Variants in ARID2 observed in about 807,000 individuals in gnomAD.
The protein encoded by ARID2 is AT-rich interactive domain-containing protein 2.
Under a neutral mutation model 184.6 loss-of-function variants are expected in ARID2, and 32 were observed. The observed-to-expected ratio is 0.17, with a 90% confidence interval of 0.13 to 0.23. The LOEUF (loss-of-function observed/expected upper bound fraction) is 0.23, where lower values mean the gene tolerates loss of function less well. Ranked by LOEUF, ARID2 falls within the 10% of genes least tolerant of loss-of-function variation. The probability of loss-of-function intolerance (pLI) is 1.00; values close to 1 mark genes in which losing one functional copy is unlikely to be tolerated. For synonymous variants in ARID2, 836 were observed against 772.6 expected, an observed-to-expected ratio of 1.08 and a Z score of -1.36; for missense variants, 1,696 against 2,197.6, an observed-to-expected ratio of 0.77 and a Z score of 4.56.
chr12:45,877,091 CAAAA>C (rs35277117), intron 16 of ARID2, among the ~76,000 whole-genome samples: 5 of 57,484 alleles, frequency 8.7e-5, no homozygotes, highest in East Asian at 5.8e-4. Flanking sequence ...GACTCCATCT[CAAAA>C]AAAAAAAAAA....
Position 45,796,855 on chromosome 12 carries a change from G to A in ARID2, c.285-14563G>A, listed in dbSNP as rs191910094. ...TATTTGGTAGGAGAAAGATCTCTGA[G>A]ATCAAATGATACTCATGTTTTTAAT... On this transcript the variant is annotated intron_variant, in intron 3 of 20. Coordinates refer to ENST00000334344, the MANE Select transcript of ARID2 (RefSeq NM_152641.4). Among the ~76,000 whole-genome samples, 414 of 152,278 alleles carry A rather than the reference G, an allele frequency of 2.7e-3. 5 individuals are homozygous for A. Among genetic ancestry groups the A allele is most frequent in the Non-Finnish European group, 1.8e-3 (121 of 68,024 alleles).
chr12:45,879,147 A>G (rs1196821703), intron 16 of ARID2, among the ~76,000 whole-genome samples: 1 of 152,186 alleles, frequency 6.6e-6, no homozygotes, highest in Non-Finnish European at 1.5e-5. Flanking sequence ...TCACTTTAAA[A>G]AAGTCGGCCT....
chr12:45,805,364 G>C (rs1283779205), intron 3 of ARID2, among the ~76,000 whole-genome samples: 1 of 152,042 alleles, frequency 6.6e-6, no homozygotes, highest in South Asian at 2.1e-4. Context: ...GTAACATACA[G>C]AGTAGAGCTT....
intron 3 of ARID2, among the ~76,000 whole-genome samples, chr12:45,793,698 C>G (rs1238878911): frequency 6.6e-6 from 1 of 151,366 alleles, no homozygotes; most frequent in East Asian, 1.9e-4. Context: ...TATACACACA[C>G]ACACACATAT....
intron 16 of ARID2, among the ~76,000 whole-genome samples, chr12:45,866,856 T>C (rs937541180): frequency 6.6e-6 from 1 of 152,178 alleles, no homozygotes; most frequent in Non-Finnish European, 1.5e-5. Context: ...CCAAAGTCCA[T>C]TGTTTACATT....
intron 3 of ARID2, among the ~76,000 whole-genome samples, chr12:45,780,004 G>T (rs988281958): frequency 3.9e-5 from 6 of 152,090 alleles, no homozygotes; most frequent in African/African-American, 1.2e-4. Context: ...TATTAAATAA[G>T]ATTAAAAACA....
intron 16 of ARID2, among the ~76,000 whole-genome samples, chr12:45,886,922 T>TG (rs895385667): frequency 2.0e-5 from 3 of 152,202 alleles, no homozygotes; most frequent in African/African-American, 7.2e-5. Flanking sequence ...GAGGCTGCCA[T>TG]GAAGGTCTCT....
chr12:45,775,603 A>G (rs776963469), intron 3 of ARID2, among the ~76,000 whole-genome samples: 3 of 152,190 alleles, frequency 2.0e-5, no homozygotes, highest in Admixed American at 6.5e-5. Flanking sequence ...AAGCTTTGCT[A>G]TATTGGAACT....
intron 3 of ARID2, among the ~76,000 whole-genome samples, chr12:45,802,143 T>G (rs942239991): frequency 3.1e-4 from 40 of 130,290 alleles, no homozygotes; most frequent in African/African-American, 1.1e-3. Flanking sequence ...CACAGCTCAC[T>G]GCATCCTCAA....
chr12:45,852,633 C>A lies in ARID2; in HGVS notation c.4510C>A (p.Arg1504=), dbSNP rs140500006. 6.2e-7 allele frequency: 1 copy of A among 1,614,122 alleles called. No homozygotes were observed. The highest frequency in any genetic ancestry group is 1.3e-5 in the African/African-American group (1 of 75,026). ...SHSPALSSDV[R]STNGTAECKT... ...TTCTCCTGCCCTATCATCTGACGTT[C>A]GGTCTACAAATGGCACAGCAGAATG... Residue 1504 remains arginine (R), a synonymous_variant, in exon 15 of 21, where the codon CGG becomes AGG. Coordinates refer to ENST00000334344, the MANE Select transcript of ARID2 (RefSeq NM_152641.4).
intron 3 of ARID2, among the ~76,000 whole-genome samples, chr12:45,749,022 C>A (rs1051170912): frequency 6.6e-6 from 1 of 152,170 alleles, no homozygotes; most frequent in African/African-American, 2.4e-5. Flanking sequence ...TTTTAACCTC[C>A]TATGAATCAC....
At chr12:45,899,264 CTG>C (rs1944412585) in intron 20 of ARID2, among the ~76,000 whole-genome samples, 2 of 93,532 alleles carry the variant, frequency 2.1e-5, no homozygotes, top group South Asian at 7.4e-4. Context: ...GAGCAAGACT[CTG>C]TCTCAAAAAA....
At chr12:45,792,443 A>G (rs1942310001) in intron 3 of ARID2, among the ~76,000 whole-genome samples, 1 of 152,192 alleles carries the variant, frequency 6.6e-6, no homozygotes, top group Admixed American at 6.5e-5. Flanking sequence ...GACTCAATAT[A>G]TGGTAAATTT....
rs61925813 is a variant in ARID2 at position 45,846,881 on chromosome 12, T to C, written c.1524T>C (p.His508=). ...APASRAVVAQ[H]VAPPPGIVEI... ...CTTCCAGAGCAGTTGTAGCGCAGCATGTTGCTCCACCTCCAGGAATAGTGG... is the reference window on the plus strand; with the variant it reads ...CTTCCAGAGCAGTTGTAGCGCAGCACGTTGCTCCACCTCCAGGAATAGTGG... Residue 508 remains histidine (H), a synonymous_variant, in exon 12 of 21, where the codon CAT becomes CAC. Transcript: ENST00000334344. 8,909 of 1,613,144 alleles carry C rather than the reference T, an allele frequency of 5.5e-3. 34 individuals are homozygous for C. The highest frequency in any genetic ancestry group is 6.9e-3 in the Non-Finnish European group (8,191 of 1,179,316).
intron 3 of ARID2, among the ~76,000 whole-genome samples, chr12:45,800,969 GA>G (rs1438496894): frequency 3.3e-5 from 5 of 152,214 alleles, no homozygotes; most frequent in African/African-American, 1.2e-4. Context: ...AAATAAACGA[GA>G]GAGGATGGAA....
intron 11 of ARID2, among the ~76,000 whole-genome samples, chr12:45,842,710 T>G (rs1943373270): frequency 6.6e-6 from 1 of 151,298 alleles, no homozygotes; most frequent in East Asian, 1.9e-4. Context: ...TGAGCCGAGA[T>G]CATGCCACTG....
In ARID2 at chr12:45,772,041, G is replaced by T. The variant is rs547778419; in HGVS notation, c.285-39377G>T. Among the ~76,000 whole-genome samples, 16 of 152,268 alleles carry T rather than the reference G, an allele frequency of 1.1e-4. No homozygotes were observed. In the East Asian group the frequency reaches 1.5e-3, roughly 15 times the overall value. On this transcript the variant is annotated intron_variant, in intron 3 of 20. Transcript: ENST00000334344. The stretch of plus-strand genomic sequence containing the variant: ...ATAGGAGTAACATCTTCACATCTCA[G>T]TGTGATTAAGTTAGCATAAATCTGA...
chr12:45,868,084 T>G (rs934030207), intron 16 of ARID2, among the ~76,000 whole-genome samples: 1 of 152,210 alleles, frequency 6.6e-6, no homozygotes, highest in Non-Finnish European at 1.5e-5. Context: ...TATCTACTCG[T>G]GTCATTTGCT....
chr12:45,878,859 A>C (rs1156940888), intron 16 of ARID2, among the ~76,000 whole-genome samples: 1 of 152,124 alleles, frequency 6.6e-6, no homozygotes, highest in African/African-American at 2.4e-5. Context: ...TCTGAGGTAA[A>C]TAGCCTTTGG....
Sources: gnomAD v4.1 joint callset for allele counts (sites outside exome capture counted in the v4.1 genomes callset) on GRCh38, gnomAD v4.1.1 for gene constraint, MANE v1.5 for transcripts, NCBI Gene and HGNC (gene_info 2026-07-23, HGNC 2026-07-21) for gene names.